Variants in ANXA6 observed in about 807,000 individuals in gnomAD.
The protein encoded by ANXA6 is annexin A6, also known as 67 kDa calelectrin.
Under a neutral mutation model 95.4 loss-of-function variants are expected in ANXA6, and 71 were observed. That is an observed-to-expected ratio of 0.74 (90% CI 0.61 to 0.91). The LOEUF is 0.91. Ranked by LOEUF, ANXA6 falls within the 40% of genes least tolerant of loss-of-function variation. ANXA6 has a pLI of 0.00. For missense variants in ANXA6, 830 were observed against 876.4 expected, an observed-to-expected ratio of 0.95 and a Z score of 0.67; for synonymous variants, 289 against 315.9, an observed-to-expected ratio of 0.91 and a Z score of 0.90.
intron 24 of ANXA6, 64 bp downstream of exon 24, chr5:151,105,179 CTG>C (rs1177735642): frequency 2.1e-5 from 30 of 1,429,590 alleles, no homozygotes; most frequent in Non-Finnish European, 3.0e-5. Flanking sequence ...TGGTGCACAT[CTG>C]TGTGTTTGTG....
Position 151,101,100 on chromosome 5 carries a change from A to G in ANXA6, c.*348T>C. The stretch of plus-strand genomic sequence containing the variant: ...CCCCCTCATTCAAAGTACAGACACT[A>G]CTCATTTTACAGACAGAGGTTCAGG... On this transcript the variant is annotated 3_prime_UTR_variant, in exon 26 of 26. Coordinates refer to ENST00000354546, the MANE Select transcript of ANXA6 (RefSeq NM_001155.5). 2.0e-6 allele frequency: 1 copy of G among 495,662 alleles called. No individual in the cohort carries two copies. The allele number at this position is 495,662 out of a possible 1,614,324, so 30.7% of individuals were successfully genotyped here.
chr5:151,147,432 T>C (rs536461372), intron 2 of ANXA6, among the ~76,000 whole-genome samples: 1 of 152,208 alleles, frequency 6.6e-6, no homozygotes, highest in African/African-American at 2.4e-5. Flanking sequence ...GGCCTTCCCC[T>C]GGAATCACTG....
chr5:151,156,567 AG>A (rs2113966599), intron 1 of ANXA6, among the ~76,000 whole-genome samples: 2 of 152,294 alleles, frequency 1.3e-5, no homozygotes, highest in Admixed American at 1.3e-4. Flanking sequence ...TGGAGGGAAA[AG>A]GGCGGACTCT....
In ANXA6 at chr5:151,141,522, A is replaced by C. The variant is rs1236469871; in HGVS notation, c.19-1279T>G. On this transcript the variant is annotated intron_variant, in intron 2 of 25. Transcript: ENST00000354546. ...AAAGAGGGAATGGAGGGTGGGCCACACAGATCTTGCCTTCAAGGAGTCAGA... is the reference window on the plus strand; with the variant it reads ...AAAGAGGGAATGGAGGGTGGGCCACCCAGATCTTGCCTTCAAGGAGTCAGA... The C allele has an allele frequency of 6.1e-6, 6 of 985,514 alleles. No individual in the cohort carries two copies. In the East Asian group the frequency reaches 6.8e-4, roughly 112 times the overall value. 61.0% of individuals were successfully genotyped at this position (985,514 alleles called of 1,614,324 possible). A position where few individuals can be genotyped will look rare whatever the true frequency, so the allele number is the denominator to read the frequency against.
At chr5:151,152,343 G>C (rs1457758529) in intron 1 of ANXA6, among the ~76,000 whole-genome samples, 4 of 152,152 alleles carry the variant, frequency 2.6e-5, no homozygotes, top group Admixed American at 2.6e-4. Context: ...ATTTACAATG[G>C]AGGCAATGTG....
At chr5:151,129,558 G>A in intron 11 of ANXA6, 29 bp from the exon 12 acceptor site, 1 of 1,577,222 alleles carries the variant, frequency 6.3e-7, no homozygotes, top group Non-Finnish European at 8.6e-7. Context: ...TGGGGAACAT[G>A]GACTTGAGAG....
chr5:151,153,912 G>A (rs1766169322), intron 1 of ANXA6, among the ~76,000 whole-genome samples: 1 of 152,082 alleles, frequency 6.6e-6, no homozygotes, highest in Non-Finnish European at 1.5e-5. Flanking sequence ...ACACTTTTTA[G>A]AAAATTACTG....
chr5:151,152,886 C>T (rs1474669027), intron 1 of ANXA6, among the ~76,000 whole-genome samples: 2 of 152,098 alleles, frequency 1.3e-5, no homozygotes, highest in African/African-American at 4.8e-5. Context: ...TGTGGAGGAA[C>T]AGAGTACACT....
rs545229099 is a variant in ANXA6 at position 151,122,167 on chromosome 5, G to C, written c.1327C>G (p.Gln443Glu). Residue 443 changes from glutamine to glutamate, a missense_variant, in exon 17 of 26, where the codon CAG becomes GAG. Coordinates refer to ENST00000354546, the MANE Select transcript of ANXA6 (RefSeq NM_001155.5). ...TGTACCTCCATGGCCTTCTTCAACTGCTTGGCATCGTAATGGGCCGGTGGC... is the reference window on the plus strand; with the variant it reads ...TGTACCTCCATGGCCTTCTTCAACTCCTTGGCATCGTAATGGGCCGGTGGC... The part of the protein sequence containing the change: ...MMPPAHYDAK[Q>E]LKKAMEGAGT... The C allele has an allele frequency of 6.3e-7, 1 of 1,596,102 alleles. No homozygotes were observed. The highest frequency in any genetic ancestry group is 1.1e-5 in the South Asian group (1 of 87,580).
At chr5:151,154,915 T>C (rs1766196835) in intron 1 of ANXA6, 1 of 151,986 alleles carries the variant, frequency 6.6e-6, no homozygotes, top group Non-Finnish European at 1.5e-5. Context: ...GGGTGATATT[T>C]AGTAGCTGTG....
chr5:151,107,873 G>A (rs1764740172), intron 23 of ANXA6, among the ~76,000 whole-genome samples: 1 of 152,046 alleles, frequency 6.6e-6, no homozygotes, highest in Non-Finnish European at 1.5e-5. Flanking sequence ...TCTGCATCTA[G>A]CGTGTATGTG....
chr5:151,107,128 T>A (rs918418519), intron 23 of ANXA6, among the ~76,000 whole-genome samples: 2 of 152,214 alleles, frequency 1.3e-5, no homozygotes, highest in Non-Finnish European at 1.5e-5. Flanking sequence ...GAGCACCTGA[T>A]GAGAATGTAA....
At position 151,148,221 on chromosome 5, in the gene ANXA6, G is replaced by C. The variant is rs570465606; in HGVS notation, c.-25-295C>G. 5.9e-5 allele frequency among the ~76,000 whole-genome samples: 9 copies of C among 152,248 alleles called. No homozygotes were observed. The East Asian group carries it at 1.7e-3, about 29-fold the overall frequency. The stretch of plus-strand genomic sequence containing the variant: ...CTCCTCCACACTAGGCAGGGTACCT[G>C]TCTCAGCACCGTCTCAGTTACTACT... On this transcript the variant is annotated intron_variant, in intron 1 of 25. Coordinates refer to ENST00000354546, the MANE Select transcript of ANXA6 (RefSeq NM_001155.5).
intron 1 of ANXA6, among the ~76,000 whole-genome samples, chr5:151,152,727 ATAAAGT>A (rs1177098651): frequency 6.6e-6 from 1 of 152,162 alleles, no homozygotes; most frequent in African/African-American, 2.4e-5. Flanking sequence ...TTATACATGT[ATAAAGT>A]TAAAGAAAAT....
intron 18 of ANXA6, among the ~76,000 whole-genome samples, chr5:151,118,112 C>A (rs1419098493): frequency 6.6e-6 from 1 of 152,140 alleles, no homozygotes; most frequent in Non-Finnish European, 1.5e-5. Context: ...ATTTAACAGC[C>A]TCTTAAGTCA....
In ANXA6 at chr5:151,126,420, A is replaced by G. The variant is rs1237966271; in HGVS notation, c.1038T>C (p.Ser346=). 1 of 1,610,502 alleles carries G rather than the reference A, an allele frequency of 6.2e-7. No individual in the cohort carries two copies. ...GTCTGACCTCTACTCGGGCCACTGC[A>G]CTAAGTTCCCACATCTGATAGGCCA... is the stretch of plus-strand genomic sequence containing the variant. The part of the protein sequence containing the change: ...AQVAYQMWEL[S]AVARVELKGT... Residue 346 remains serine, a synonymous_variant, in exon 14 of 26, where the codon AGT becomes AGC. Transcript: ENST00000354546.
Position 151,101,064 on chromosome 5 carries a change from C to T in ANXA6, c.*384G>A. 1 of 477,252 alleles carries T rather than the reference C, an allele frequency of 2.1e-6. No individual in the cohort carries two copies. The highest frequency in any genetic ancestry group is 6.2e-5 in the East Asian group (1 of 16,260). The allele number at this position is 477,252 out of a possible 1,614,324, so 29.6% of individuals were successfully genotyped here. ...CCCCGCCCAGCACATTCAACTGGCC[C>T]CTGCCACCAACCCCCTCATTCAAAG... On this transcript the variant is annotated 3_prime_UTR_variant, in exon 26 of 26. Transcript: ENST00000354546.
chr5:151,149,068 C>T (rs1206313030), intron 1 of ANXA6, among the ~76,000 whole-genome samples: 1 of 149,796 alleles, frequency 6.7e-6, no homozygotes, highest in Non-Finnish European at 1.5e-5. Flanking sequence ...ATAGTCCCAG[C>T]TACTTGGGAG....
rs1765415025 is a variant in ANXA6 at position 151,129,105 on chromosome 5, C to A, written c.918+302G>T. ...TTCTTCAGTGTTTCCCAGCCTTCTT[C>A]CAGGAGACTGAACTATCACTGCCCT... On this transcript the variant is annotated intron_variant, in intron 12 of 25. Coordinates refer to ENST00000354546, the MANE Select transcript of ANXA6 (RefSeq NM_001155.5). 6.6e-6 allele frequency among the ~76,000 whole-genome samples: 1 copy of A among 152,258 alleles called. No individual in the cohort carries two copies. The highest frequency in any genetic ancestry group is 6.5e-5 in the Admixed American group (1 of 15,290).
Sources: allele counts gnomAD v4.1 joint callset (sites outside exome capture counted in the v4.1 genomes callset), GRCh38; gene constraint gnomAD v4.1.1; transcripts MANE v1.5; gene names NCBI Gene and HGNC (gene_info 2026-07-23, HGNC 2026-07-21).